The following CRADD variants were observed in gnomAD, a reference collection of about 807,000 sequenced individuals.
CRADD encodes CARD and death domain containing adaptor protein, also known as death domain-containing protein CRADD.
A neutral mutation model predicts 15.5 loss-of-function variants in CRADD; 9 were observed. The ratio of observed to expected loss-of-function variants is 0.58; its 90% CI spans 0.35 to 1.01. The LOEUF (loss-of-function observed/expected upper bound fraction) is 1.01. Ranked by LOEUF, CRADD falls within the 50% of genes least tolerant of loss-of-function variation. The pLI is 0.02. For synonymous variants in CRADD, 118 were observed against 107.6 expected, an observed-to-expected ratio of 1.10 and a Z score of -0.60; for missense variants, 227 against 250.3, an observed-to-expected ratio of 0.91 and a Z score of 0.63.
At chr12:93,882,459 C>T (rs1958509555) in intron 2 of CRADD, among the ~76,000 whole-genome samples, 1 of 147,776 alleles carries the variant, frequency 6.8e-6, no homozygotes, top group Non-Finnish European at 1.5e-5. Flanking sequence ...AAAATATATA[C>T]ATATTATACA....
chr12:93,820,080 C>G (rs556853075), intron 2 of CRADD, among the ~76,000 whole-genome samples: 2 of 152,306 alleles, frequency 1.3e-5, no homozygotes, highest in Non-Finnish European at 2.9e-5. Context: ...ACCATCAGCC[C>G]CCTTTGATGC....
rs1165429350 is a variant in CRADD at position 93,726,094 on chromosome 12, G to GTT, written c.298+47045_298+47046dup. 6.0e-3 allele frequency among the ~76,000 whole-genome samples: 581 copies of GTT among 96,044 alleles called. 11 individuals are homozygous for GTT. Among genetic ancestry groups the GTT allele is most frequent in the Middle Eastern group, 0.015 (2 of 134 alleles). 63.0% of individuals were successfully genotyped at this position (96,044 alleles called of 152,430 possible). Reference sequence around the variant, plus strand: ...GAACTGGTGAAGAGTAAATAGTTTAGTTTTTTTTTTTTTTTTTTTTTTTTC... The same window carrying GTT: ...GAACTGGTGAAGAGTAAATAGTTTAGTTTTTTTTTTTTTTTTTTTTTTTTTTC... On this transcript the variant is annotated intron_variant, in intron 2 of 2. Transcript: ENST00000332896.
rs145222793 is a variant in CRADD at position 93,687,844 on chromosome 12, C to G, written c.298+8772C>G. On this transcript the variant is annotated intron_variant, in intron 2 of 2. Coordinates refer to ENST00000332896, the MANE Select transcript of CRADD (RefSeq NM_003805.5). The stretch of plus-strand genomic sequence containing the variant: ...ATACAGGGGGTGATGCTGCTACCAA[C>G]ATTAAAATCCATTAGGGCTCTATGG... Among the ~76,000 whole-genome samples the G allele has an allele frequency of 3.0e-3, 461 of 152,282 alleles. 4 individuals are homozygous for G. Among genetic ancestry groups the G allele is most frequent in the African/African-American group, 0.01 (422 of 41,548 alleles).
At chr12:93,797,884 C>T (rs1957437028) in intron 2 of CRADD, among the ~76,000 whole-genome samples, 1 of 152,182 alleles carries the variant, frequency 6.6e-6, no homozygotes, top group South Asian at 2.1e-4. Context: ...GCAGTTCCTG[C>T]CTTTAGGGGG....
intron 2 of CRADD, among the ~76,000 whole-genome samples, chr12:93,700,201 T>C (rs1483942083): frequency 2.0e-5 from 3 of 152,214 alleles, no homozygotes; most frequent in Non-Finnish European, 4.4e-5. Context: ...GCCCTCAGTA[T>C]TTCCGTCAAT....
intron 2 of CRADD, among the ~76,000 whole-genome samples, chr12:93,747,306 G>A (rs1436191632): frequency 6.6e-6 from 1 of 152,156 alleles, no homozygotes; most frequent in African/African-American, 2.4e-5. Flanking sequence ...CTCTTGTCAG[G>A]CAGGTACTGG....
intron 2 of CRADD, among the ~76,000 whole-genome samples, chr12:93,802,574 A>C (rs886185147): frequency 2.0e-5 from 3 of 152,158 alleles, no homozygotes; most frequent in Non-Finnish European, 4.4e-5. Context: ...ATCTAGTGCA[A>C]GCTCAAGAGG....
At chr12:93,753,062 G>T (rs1956846522) in intron 2 of CRADD, among the ~76,000 whole-genome samples, 1 of 145,472 alleles carries the variant, frequency 6.9e-6, no homozygotes, top group Admixed American at 6.9e-5. Flanking sequence ...CCCACGACAT[G>T]TGGGAATTGT....
Position 93,678,872 on chromosome 12 carries a change from A to C in CRADD, c.98A>C (p.Glu33Ala). The C allele has an allele frequency of 6.2e-7, 1 of 1,614,212 alleles. No homozygotes were observed. The highest frequency in any genetic ancestry group is 8.5e-7 in the Non-Finnish European group (1 of 1,180,036). Residue 33 changes from glutamate (E) to alanine (A), a missense_variant, in exon 2 of 3, where the codon GAA becomes GCA. Glu to Ala is a moderately radical substitution (Grantham distance 107, BLOSUM62 -1). Coordinates refer to ENST00000332896, the MANE Select transcript of CRADD (RefSeq NM_003805.5). ...EGLVLQYLYQEGILTENHIQE... is the reference protein window; with the variant it reads ...EGLVLQYLYQAGILTENHIQE... Reference sequence around the variant, plus strand: ...CTGGTTCTTCAGTACCTCTACCAGGAAGGAATCTTGACGGAAAACCATATT... The same window carrying C: ...CTGGTTCTTCAGTACCTCTACCAGGCAGGAATCTTGACGGAAAACCATATT...
chr12:93,812,385 C>T (rs1166630855), intron 2 of CRADD, among the ~76,000 whole-genome samples: 1 of 151,988 alleles, frequency 6.6e-6, no homozygotes, highest in African/African-American at 2.4e-5. Context: ...GACTAACTGG[C>T]ATAAATAAAT....
chr12:93,715,911 G>A (rs1028993474), intron 2 of CRADD, among the ~76,000 whole-genome samples: 3 of 152,106 alleles, frequency 2.0e-5, no homozygotes, highest in African/African-American at 7.2e-5. Context: ...AGAGGCTGAG[G>A]CGGGGGGATC....
chr12:93,721,825 C>T (rs1956270892), intron 2 of CRADD, among the ~76,000 whole-genome samples: 1 of 152,184 alleles, frequency 6.6e-6, no homozygotes, highest in African/African-American at 2.4e-5. Context: ...CATAAGCATA[C>T]ATAACCAAAT....
At chr12:93,884,244 C>T (rs1958521116) in intron 2 of CRADD, among the ~76,000 whole-genome samples, 1 of 152,190 alleles carries the variant, frequency 6.6e-6, no homozygotes, top group South Asian at 2.1e-4. Flanking sequence ...ACCTCCATTA[C>T]AAGTTTTAAC....
rs1459413856 is a variant in CRADD, at chr12:93,850,019, A to G, written c.348A>G (p.Ser116=). 1.2e-6 allele frequency: 2 copies of G among 1,611,716 alleles called. No homozygotes were observed. Residue 116 remains serine, a synonymous_variant, in exon 3 of 3, where the codon TCA becomes TCG. Coordinates refer to ENST00000332896, the MANE Select transcript of CRADD (RefSeq NM_003805.5). This position sits in a 1 kb window ranked among gnomAD's most constrained non-coding sequence, Gnocchi z 4.0. ...IPSHILNSSP[S]DRQINQLAQR... Reference sequence around the variant, plus strand: ...CGCACATCCTCAACAGCTCCCCATCAGACCGGCAGATTAACCAGCTGGCCC... The same window carrying G: ...CGCACATCCTCAACAGCTCCCCATCGGACCGGCAGATTAACCAGCTGGCCC...
At chr12:93,781,357 C>T (rs775042487) in intron 2 of CRADD, among the ~76,000 whole-genome samples, 1 of 152,206 alleles carries the variant, frequency 6.6e-6, no homozygotes, top group Non-Finnish European at 1.5e-5. Context: ...AAGGAGATCT[C>T]ACATCCACCC....
At chr12:93,870,220 T>C (rs1958406719) in intron 2 of CRADD, among the ~76,000 whole-genome samples, 1 of 152,172 alleles carries the variant, frequency 6.6e-6, no homozygotes, top group Admixed American at 6.5e-5. Context: ...CTGGAAATTG[T>C]CCTAAAGACA....
At chr12:93,712,564 T>C (rs1055900558) in intron 2 of CRADD, among the ~76,000 whole-genome samples, 4 of 152,228 alleles carry the variant, frequency 2.6e-5, no homozygotes. Flanking sequence ...ATTGTTTAGT[T>C]GTTCAAAATG....
In CRADD at chr12:93,700,356, A is replaced by G. The variant is rs1439269610; in HGVS notation, c.298+21284A>G. On this transcript the variant is annotated intron_variant, in intron 2 of 2. Transcript: ENST00000332896. ...CTTCCTATCACTGTGACCCCTGCAC[A>G]CCATTCCAGCATCCATTGTGCCATT... Among the ~76,000 whole-genome samples the G allele has an allele frequency of 3.9e-5, 6 of 152,234 alleles. No individual in the cohort carries two copies. In the East Asian group the frequency reaches 1.2e-3, roughly 29 times the overall value.
At position 93,862,785 on chromosome 12, in the gene CRADD, A is replaced by G. The variant is rs145873124; in HGVS notation, c.299-31265A>G. The stretch of plus-strand genomic sequence containing the variant: ...ATTTGACATTGAAAACCTCTCTTCC[A>G]TGACACCACCTATTAACATCTTTGG... On this transcript the variant is annotated intron_variant, in intron 2 of 2. Coordinates refer to the CRADD transcript ENST00000548483. Among the ~76,000 whole-genome samples, 107 of 152,334 alleles carry G rather than the reference A, an allele frequency of 7.0e-4. 2 individuals are homozygous for G. In the East Asian group the frequency reaches 0.019, roughly 27 times the overall value.
Sources: gnomAD v4.1 joint callset for allele counts (sites outside exome capture counted in the v4.1 genomes callset) on GRCh38, gnomAD v4.1.1 for gene constraint, Gnocchi (gnomAD v3.1) non-coding constraint, MANE v1.5 for transcripts, NCBI Gene and HGNC (gene_info 2026-07-23, HGNC 2026-07-21) for gene names.